EEA1: variants seen among roughly 807,000 people sequenced by gnomAD.
The protein encoded by EEA1 is early endosome antigen 1.
In EEA1, 111 loss-of-function variants were observed where a neutral mutation model predicts 209.2. That is an observed-to-expected ratio of 0.53 (90% CI 0.45 to 0.62). The LOEUF (loss-of-function observed/expected upper bound fraction) is 0.62. Ranked by LOEUF, EEA1 falls within the 20% of genes least tolerant of loss-of-function variation. The pLI is 0.00. For synonymous variants in EEA1, 536 were observed against 540.6 expected, an observed-to-expected ratio of 0.99 and a Z score of 0.12; for missense variants, 1,343 against 1,530.8, an observed-to-expected ratio of 0.88 and a Z score of 2.05.
chr12:92,780,159 CAG>C, intron 24 of EEA1, 119 bp downstream of exon 24: 1 of 1,048,992 alleles, frequency 9.5e-7, no homozygotes, highest in Non-Finnish European at 1.3e-6. Context: ...TCAGAAACAA[CAG>C]AACAATTTGC....
intron 18 of EEA1, among the ~76,000 whole-genome samples, chr12:92,803,169 C>G (rs918940565): frequency 1.3e-5 from 2 of 151,996 alleles, no homozygotes; most frequent in African/African-American, 4.8e-5. Flanking sequence ...TTATGTGTGA[C>G]AGTTCTTAGG....
intron 22 of EEA1, among the ~76,000 whole-genome samples, chr12:92,786,270 A>C: frequency 6.6e-6 from 1 of 152,146 alleles, no homozygotes; most frequent in Non-Finnish European, 1.5e-5. Context: ...AAATGTAAGT[A>C]ACTCCCTTTA....
chr12:92,846,074 T>TAAA (rs1310235725), intron 9 of EEA1, among the ~76,000 whole-genome samples: 1 of 152,198 alleles, frequency 6.6e-6, no homozygotes, highest in Non-Finnish European at 1.5e-5. Flanking sequence ...ATTATTGTTT[T>TAAA]AATATGCTAC....
intron 21 of EEA1, among the ~76,000 whole-genome samples, chr12:92,796,855 T>A (rs1874674774): frequency 6.6e-6 from 1 of 152,198 alleles, no homozygotes; most frequent in South Asian, 2.1e-4. Flanking sequence ...TTAAATACAT[T>A]ATCTCAATCT....
chr12:92,926,328 T>C (rs1316713502), intron 1 of EEA1, among the ~76,000 whole-genome samples: 1 of 152,154 alleles, frequency 6.6e-6, no homozygotes, highest in Non-Finnish European at 1.5e-5. Context: ...ACAGAGTCCA[T>C]TTCAAATAAA....
intron 1 of EEA1, among the ~76,000 whole-genome samples, chr12:92,921,866 CAA>C (rs756583756): frequency 0.011 from 907 of 83,432 alleles, 13 homozygotes; most frequent in African/African-American, 0.039. Flanking sequence ...GACTCTGTCT[CAA>C]AAAAAAAAAA....
chr12:92,851,049 C>T, intron 9 of EEA1, 62 bp downstream of exon 9: 1 of 1,464,580 alleles, frequency 6.8e-7, no homozygotes, highest in Non-Finnish European at 9.1e-7. Context: ...CCTGGCTTCA[C>T]TCAATAGTAT....
intron 6 of EEA1, 42 bp from the exon 7 acceptor site, chr12:92,853,067 A>G (rs1224101846): frequency 3.2e-6 from 4 of 1,246,402 alleles, no homozygotes; most frequent in African/African-American, 3.0e-5. Context: ...CATGTTAATT[A>G]CATATGCTAA....
intron 2 of EEA1, among the ~76,000 whole-genome samples, chr12:92,878,311 A>G (rs970996045): frequency 4.6e-5 from 7 of 152,188 alleles, no homozygotes; most frequent in Non-Finnish European, 1.0e-4. Context: ...AAGGTGGGGG[A>G]ACGGACTGAA....
intron 21 of EEA1, among the ~76,000 whole-genome samples, chr12:92,788,355 T>C (rs1488790690): frequency 6.6e-6 from 1 of 151,874 alleles, no homozygotes; most frequent in Non-Finnish European, 1.5e-5. Flanking sequence ...TGAGGGAGCA[T>C]GCAGTGCTAG....
chr12:92,904,595 A>G (rs555643129), intron 1 of EEA1, among the ~76,000 whole-genome samples: 3 of 152,316 alleles, frequency 2.0e-5, no homozygotes, highest in East Asian at 1.9e-4. Context: ...AAAGGTCCCC[A>G]GGTTACCCAC....
rs762440026 is a variant in EEA1 at position 92,816,299 on chromosome 12, T to A, written c.1830A>T (p.Arg610Ser). 1 of 1,614,028 alleles carries A rather than the reference T, an allele frequency of 6.2e-7. No individual in the cohort carries two copies. The highest frequency in any genetic ancestry group is 8.5e-7 in the Non-Finnish European group (1 of 1,179,920). Residue 610 changes from arginine (R) to serine (S), a missense_variant, in exon 15 of 29, where the codon AGA becomes AGT. Physicochemically the swap from Arg to Ser is moderately radical, Grantham distance 110. Around this residue, in one of 3 missense-constraint regions of EEA1, gnomAD observed 1,307 missense variants for 1,465.5 expected, o/e 0.89. Transcript: ENST00000322349. ...DQVQEQKAHL[R>S]AAQDRVLSLE... Reference sequence around the variant, plus strand: ...GGGAAAGGACACGGTCTTGTGCAGCTCTAAGATGTGCCTTCTGCTCTTGTA... The same window carrying A: ...GGGAAAGGACACGGTCTTGTGCAGCACTAAGATGTGCCTTCTGCTCTTGTA...
intron 1 of EEA1, among the ~76,000 whole-genome samples, chr12:92,892,463 A>G (rs971732605): frequency 2.0e-5 from 3 of 151,968 alleles, no homozygotes; most frequent in African/African-American, 7.3e-5. Flanking sequence ...AAAAAATCAG[A>G]AAGTTCTCAA....
chr12:92,922,664 C>A (rs981429793), intron 1 of EEA1, among the ~76,000 whole-genome samples: 10 of 152,146 alleles, frequency 6.6e-5, no homozygotes, highest in African/African-American at 2.4e-4. Context: ...AACAAAATCT[C>A]TACCCTGGCG....
chr12:92,864,410 G>T (rs1239992329), intron 3 of EEA1, among the ~76,000 whole-genome samples: 1 of 151,990 alleles, frequency 6.6e-6, no homozygotes, highest in East Asian at 1.9e-4. Flanking sequence ...AAATGGCCAA[G>T]AAAAATTACC....
rs142956761 is a variant in EEA1, at chr12:92,791,824, T to C, written c.2968-3775A>G. On this transcript the variant is annotated intron_variant, in intron 21 of 28. Coordinates refer to ENST00000322349, the MANE Select transcript of EEA1 (RefSeq NM_003566.4). ...CCCCAAATCAACAGAATATACATTCTTCTCAGCACCACATCACACTTATTC... is the reference window on the plus strand; with the variant it reads ...CCCCAAATCAACAGAATATACATTCCTCTCAGCACCACATCACACTTATTC... 4.0e-3 allele frequency among the ~76,000 whole-genome samples: 606 copies of C among 152,320 alleles called. 4 individuals carry two copies. Among genetic ancestry groups the C allele is most frequent in the African/African-American group, 0.014 (570 of 41,570 alleles).
intron 2 of EEA1, among the ~76,000 whole-genome samples, chr12:92,882,402 TG>T (rs1466366505): frequency 2.6e-5 from 4 of 151,952 alleles, no homozygotes; most frequent in Admixed American, 2.0e-4. Context: ...TCACCGTACC[TG>T]GCATCTTTTT....
intron 1 of EEA1, among the ~76,000 whole-genome samples, chr12:92,914,432 C>T (rs930766935): frequency 2.0e-5 from 3 of 152,080 alleles, no homozygotes; most frequent in Admixed American, 1.3e-4. Context: ...CTTTGTTCTG[C>T]TTAGGATTGC....
chr12:92,783,005 C>T (rs139416987), intron 22 of EEA1, among the ~76,000 whole-genome samples: 2 of 152,366 alleles, frequency 1.3e-5, no homozygotes, highest in East Asian at 3.9e-4. Flanking sequence ...TCACCCAACA[C>T]ATCTCTTCAT....
Sources: allele counts gnomAD v4.1 joint callset (sites outside exome capture counted in the v4.1 genomes callset), GRCh38; gene constraint gnomAD v4.1.1; regional missense constraint gnomAD v4.1.1; transcripts MANE v1.5; gene names NCBI Gene and HGNC (gene_info 2026-07-23, HGNC 2026-07-21).